Variants in PARVB observed in about 807,000 individuals in gnomAD.
The protein encoded by PARVB is parvin beta, also known as beta-parvin.
PARVB carries 46 observed loss-of-function variants against 47.0 expected under a neutral mutation model. That is an observed-to-expected ratio of 0.98 (90% CI 0.77 to 1.25). The LOEUF (loss-of-function observed/expected upper bound fraction) is 1.25, where lower values mean the gene tolerates loss of function less well. Ranked by LOEUF, PARVB falls within the 50% of genes most tolerant of loss-of-function variation. The pLI, the probability that PARVB is intolerant of heterozygous loss-of-function variation, is 0.00. For missense variants in PARVB, 473 were observed against 471.6 expected (o/e 1.00, Z -0.03); for synonymous variants, 196 against 196.3 (o/e 1.00, Z 0.01).
intron 2 of PARVB, among the ~76,000 whole-genome samples, chr22:44,098,144 G>A (rs1031405652): frequency 6.6e-6 from 1 of 152,120 alleles, no homozygotes; most frequent in Admixed American, 6.6e-5. Context: ...TTTAGTGTGG[G>A]TTGAAGGGGA....
At chr22:44,140,303 C>T (rs1465056817) in intron 8 of PARVB, 160 bp downstream of exon 8, 5 of 770,208 alleles carry the variant, frequency 6.5e-6, no homozygotes, top group Non-Finnish European at 1.2e-5. Context: ...AGCCCACCCC[C>T]ACCTTTCTGT....
At chr22:44,044,701 G>T (rs536636399) in intron 1 of PARVB, among the ~76,000 whole-genome samples, 21 of 151,306 alleles carry the variant, frequency 1.4e-4, no homozygotes, top group Non-Finnish European at 2.7e-4. Flanking sequence ...GGCCAGGTGG[G>T]TCTCAAACTC....
At chr22:44,090,855 C>T (rs1489720940) in intron 1 of PARVB, among the ~76,000 whole-genome samples, 2 of 152,236 alleles carry the variant, frequency 1.3e-5, no homozygotes, top group Non-Finnish European at 2.9e-5. Context: ...CCCCTGTGCT[C>T]CAGGGCTATC....
chr22:44,099,994 T>G, intron 2 of PARVB, 59 bp from the exon 3 acceptor site: 1 of 1,401,688 alleles, frequency 7.1e-7, no homozygotes, highest in Non-Finnish European at 1.0e-6. Flanking sequence ...TCCCCCTGGT[T>G]CCCCGTGTCC....
chr22:44,077,032 G>A (rs981057114), intron 1 of PARVB, among the ~76,000 whole-genome samples: 8 of 152,278 alleles, frequency 5.3e-5, no homozygotes, highest in Non-Finnish European at 8.8e-5. Context: ...GTGCCTGCCC[G>A]GGGCCAAGCA....
At chr22:44,121,901 C>G (rs1398895983) in intron 4 of PARVB, among the ~76,000 whole-genome samples, 1 of 152,158 alleles carries the variant, frequency 6.6e-6, no homozygotes, top group African/African-American at 2.4e-5. Flanking sequence ...GTCAGAATTA[C>G]AATACCAATA....
At chr22:44,022,482 C>T (rs985301090), upstream of PARVB, among the ~76,000 whole-genome samples, 1 of 152,170 alleles carries the variant, frequency 6.6e-6, no homozygotes, top group Non-Finnish European at 1.5e-5. Context: ...TGACCACAAA[C>T]TCCTGGAGGA....
At chr22:44,126,119 G>A (rs1284241405) in intron 4 of PARVB, among the ~76,000 whole-genome samples, 1 of 152,152 alleles carries the variant, frequency 6.6e-6, no homozygotes, top group Non-Finnish European at 1.5e-5. Context: ...AGTCCAGGCT[G>A]CAGTGTACGT....
intron 1 of PARVB, chr22:44,086,608 C>A: frequency 3.9e-6 from 1 of 258,686 alleles, no homozygotes; most frequent in Non-Finnish European, 6.0e-6. Flanking sequence ...TGCCCAACAG[C>A]ATCTCCTCCC....
chr22:44,044,191 G>T (rs5764068), intron 1 of PARVB, among the ~76,000 whole-genome samples: 14 of 134,990 alleles, frequency 1.0e-4, no homozygotes, highest in East Asian at 4.3e-4. Flanking sequence ...ATTTTTTGTG[G>T]TTTTTTTTTT....
chr22:44,015,692 A>G (rs2050569451), intron 2 of PARVB, among the ~76,000 whole-genome samples: 1 of 152,162 alleles, frequency 6.6e-6, no homozygotes, highest in South Asian at 2.1e-4. Context: ...GATGATGCAC[A>G]CCTGTAGTCC....
intron 12 of PARVB, among the ~76,000 whole-genome samples, chr22:44,167,497 C>T (rs1221358236): frequency 6.6e-6 from 1 of 152,122 alleles, no homozygotes; most frequent in East Asian, 1.9e-4. Context: ...GTGAGTCCAC[C>T]ATGGGAGTGG....
chr22:44,087,061 A>G (rs910012), intron 1 of PARVB: 1 of 152,522 alleles, frequency 6.6e-6, no homozygotes, highest in Non-Finnish European at 1.5e-5. Context: ...GAGCAGGATC[A>G]GTTGTAACTA....
intron 1 of PARVB, among the ~76,000 whole-genome samples, chr22:44,074,858 C>T (rs1023205987): frequency 6.6e-6 from 1 of 152,010 alleles, no homozygotes; most frequent in Non-Finnish European, 1.5e-5. Context: ...TTCCCTCCAC[C>T]CCACCTCATG....
Position 44,168,092 on chromosome 22 carries a change from A to G in PARVB, c.1019-510A>G, listed in dbSNP as rs6006686. ...GCGTTACCTGGTCCAGGCCCATTTT[A>G]CAGATGAAGGCACTGAGCCCCAAAT... is the stretch of plus-strand genomic sequence containing the variant. On this transcript the variant is annotated intron_variant, in intron 12 of 12. Coordinates refer to ENST00000338758, the MANE Select transcript of PARVB (RefSeq NM_013327.5). 3.4e-3 allele frequency: 547 copies of G among 160,788 alleles called. 6 individuals are homozygous for G. Among genetic ancestry groups the G allele is most frequent in the African/African-American group, 0.011 (446 of 41,646 alleles). 10.0% of individuals were successfully genotyped at this position (160,788 alleles called of 1,614,324 possible). A position where few individuals can be genotyped will look rare whatever the true frequency, so the allele number is the denominator to read the frequency against.
intron 1 of PARVB, among the ~76,000 whole-genome samples, chr22:44,091,295 T>TTG (rs1555901702): frequency 9.0e-4 from 128 of 141,888 alleles, no homozygotes; most frequent in African/African-American, 1.6e-3. Flanking sequence ...TTTTTTTTTT[T>TTG]GCTATTTAAA....
rs905614582 is a variant in PARVB at position 44,169,057 on chromosome 22, T to A, written c.*379T>A. The A allele has an allele frequency of 5.1e-6, 1 of 196,032 alleles. No individual in the cohort carries two copies. Among genetic ancestry groups the A allele is most frequent in the South Asian group, 9.3e-5 (1 of 10,750 alleles). The allele number at this position is 196,032 out of a possible 1,614,324, so 12.1% of individuals were successfully genotyped here. On this transcript the variant is annotated 3_prime_UTR_variant, in exon 13 of 13. Coordinates refer to ENST00000338758, the MANE Select transcript of PARVB (RefSeq NM_013327.5). ...GGTTGAGAGCACCCTGCATTCTGCC[T>A]CATGGTGCAGTTAGCGATCACAGGC...
chr22:44,163,718 C>A, intron 11 of PARVB, 140 bp from the exon 12 acceptor site: 1 of 626,250 alleles, frequency 1.6e-6, no homozygotes, highest in Non-Finnish European at 2.6e-6. Context: ...CCCTGTGGCC[C>A]GCCCCGGGCT....
chr22:44,057,962 C>G (rs996353226), intron 1 of PARVB, among the ~76,000 whole-genome samples: 1 of 152,124 alleles, frequency 6.6e-6, no homozygotes, highest in African/African-American at 2.4e-5. Flanking sequence ...GCTTCATCCT[C>G]CTGCCTGCTT....
Sources: gnomAD v4.1 joint callset for allele counts (sites outside exome capture counted in the v4.1 genomes callset) on GRCh38, gnomAD v4.1.1 for gene constraint, MANE v1.5 for transcripts, NCBI Gene and HGNC (gene_info 2026-07-23, HGNC 2026-07-21) for gene names.